KIAA1217: variants seen among roughly 807,000 people sequenced by gnomAD.
KIAA1217 encodes sickle tail protein homolog.
Under a neutral mutation model 163.9 loss-of-function variants are expected in KIAA1217, and 88 were observed. The ratio of observed to expected loss-of-function variants is 0.54; its 90% confidence interval spans 0.45 to 0.64. KIAA1217 has a LOEUF of 0.64. Ranked by LOEUF, KIAA1217 falls within the 30% of genes least tolerant of loss-of-function variation. KIAA1217 has a pLI of 0.00. For missense variants in KIAA1217, 2,372 were observed against 2,475.0 expected (o/e 0.96, Z 0.88); for synonymous variants, 903 against 923.1 (o/e 0.98, Z 0.39).
intron 1 of KIAA1217, among the ~76,000 whole-genome samples, chr10:23,937,950 T>A (rs923804871): frequency 6.6e-6 from 1 of 152,066 alleles, no homozygotes; most frequent in Non-Finnish European, 1.5e-5. Flanking sequence ...CTGAGAGGAA[T>A]TGCTGAGCTA....
At chr10:24,177,262 T>TATATATATATAA (rs2065941465) in intron 2 of KIAA1217, among the ~76,000 whole-genome samples, 1 of 69,504 alleles carries the variant, frequency 1.4e-5, no homozygotes. Context: ...CACCATCATA[T>TATATATATATAA]ATATATATAT....
intron 2 of KIAA1217, among the ~76,000 whole-genome samples, chr10:24,261,613 G>T (rs1180544583): frequency 6.6e-6 from 1 of 152,056 alleles, no homozygotes; most frequent in Non-Finnish European, 1.5e-5. Context: ...TTGGGACTTG[G>T]TGACTGCTTC....
intron 2 of KIAA1217, among the ~76,000 whole-genome samples, chr10:24,017,350 G>A (rs79352128): frequency 0.013 from 1,934 of 152,064 alleles, 34 homozygotes; most frequent in African/African-American, 0.044. Flanking sequence ...ATGAGCCACC[G>A]TGCCCAGCCA....
At chr10:24,217,578 C>T (rs2068997135) in intron 1 of KIAA1217, among the ~76,000 whole-genome samples, 1 of 152,166 alleles carries the variant, frequency 6.6e-6, no homozygotes, top group African/African-American at 2.4e-5. Context: ...GCCCAACCAA[C>T]GGGCATCTAT....
intron 3 of KIAA1217, among the ~76,000 whole-genome samples, chr10:24,422,472 T>G (rs2058812176): frequency 6.6e-6 from 1 of 152,238 alleles, no homozygotes; most frequent in Non-Finnish European, 1.5e-5. Context: ...TGAGTAACCT[T>G]TGAGATGAAA....
chr10:24,309,511 C>A (rs1328499079), intron 2 of KIAA1217, among the ~76,000 whole-genome samples: 1 of 152,128 alleles, frequency 6.6e-6, no homozygotes, highest in African/African-American at 2.4e-5. Context: ...ACTCAGTGTT[C>A]CCCTATTGTA....
chr10:24,034,727 C>T (rs190326937), intron 2 of KIAA1217, among the ~76,000 whole-genome samples: 94 of 152,312 alleles, frequency 6.2e-4, no homozygotes, highest in African/African-American at 2.0e-3. Context: ...CAGGAGAAGA[C>T]GCAGACATCC....
chr10:24,518,138 C>G (rs1302993109), intron 10 of KIAA1217, among the ~76,000 whole-genome samples: 1 of 152,198 alleles, frequency 6.6e-6, no homozygotes, highest in Non-Finnish European at 1.5e-5. Flanking sequence ...TGAAAAGCCA[C>G]TTAAACAAAT....
At chr10:24,189,351 C>T (rs2066603650) in intron 2 of KIAA1217, among the ~76,000 whole-genome samples, 2 of 152,074 alleles carry the variant, frequency 1.3e-5, no homozygotes, top group Non-Finnish European at 1.5e-5. Flanking sequence ...AAAAATGCTT[C>T]GAAAATATGC....
At chr10:24,311,340 T>C (rs1438444928) in intron 2 of KIAA1217, among the ~76,000 whole-genome samples, 1 of 152,160 alleles carries the variant, frequency 6.6e-6, no homozygotes, top group African/African-American at 2.4e-5. Flanking sequence ...GGTTGAAGTG[T>C]CTTGAGGGTG....
intron 2 of KIAA1217, among the ~76,000 whole-genome samples, chr10:24,099,575 A>G (rs906288137): frequency 3.1e-4 from 45 of 144,362 alleles, no homozygotes; most frequent in Non-Finnish European, 5.7e-4. Flanking sequence ...TTCTTTATAT[A>G]TATATATATA....
chr10:24,466,516 G>A, intron 5 of KIAA1217: 1 of 985,286 alleles, frequency 1.0e-6, no homozygotes, highest in Non-Finnish European at 1.2e-6. Flanking sequence ...TCACGGGGAA[G>A]GTTACTTTTT....
chr10:24,234,656 CA>C (rs71397938), intron 2 of KIAA1217, among the ~76,000 whole-genome samples: 2,645 of 73,376 alleles, frequency 0.036, 37 homozygotes, highest in African/African-American at 0.11. Context: ...AAAACTGTCT[CA>C]AAAAAAAAAA....
chr10:24,019,046 G>T (rs1204735628), intron 2 of KIAA1217, among the ~76,000 whole-genome samples: 1 of 152,104 alleles, frequency 6.6e-6, no homozygotes, highest in Non-Finnish European at 1.5e-5. Flanking sequence ...AGGGGCAGGG[G>T]TTGAAGGAGC....
At chr10:23,909,751 CAT>C (rs1311702813) in intron 1 of KIAA1217, among the ~76,000 whole-genome samples, 9 of 152,158 alleles carry the variant, frequency 5.9e-5, no homozygotes, top group Non-Finnish European at 1.3e-4. Flanking sequence ...CCGCAATAAA[CAT>C]ATGTGTGCAT....
intron 2 of KIAA1217, among the ~76,000 whole-genome samples, chr10:24,194,535 C>G (rs1482660799): frequency 6.6e-6 from 1 of 151,376 alleles, no homozygotes; most frequent in African/African-American, 2.4e-5. Context: ...GGTGTGTCTA[C>G]AGCTCACTTT....
At chr10:24,205,302 CAAAAAAAAAAAAAAA>C (rs61292023), upstream of KIAA1217, among the ~76,000 whole-genome samples, 4 of 36,610 alleles carry the variant, frequency 1.1e-4, no homozygotes, top group Non-Finnish European at 2.1e-4. Context: ...ACTAAAAATA[CAAAAAAAAAAAAAAA>C]AAAAAAAAAA....
intron 1 of KIAA1217, among the ~76,000 whole-genome samples, chr10:23,911,097 T>C (rs1249887065): frequency 6.6e-6 from 1 of 152,202 alleles, no homozygotes; most frequent in African/African-American, 2.4e-5. Context: ...TGTATAAATA[T>C]TCTAGGATGC....
intron 2 of KIAA1217, among the ~76,000 whole-genome samples, chr10:24,172,745 C>A (rs1258264547): frequency 6.6e-6 from 1 of 152,160 alleles, no homozygotes; most frequent in African/African-American, 2.4e-5. Flanking sequence ...CAGTTCCCTA[C>A]CTGTGCACAA....
Sources: gnomAD v4.1 joint callset for allele counts (sites outside exome capture counted in the v4.1 genomes callset) on GRCh38, gnomAD v4.1.1 for gene constraint, MANE v1.5 for transcripts, NCBI Gene and HGNC (gene_info 2026-07-23, HGNC 2026-07-21) for gene names.